Variants in LRRTM4 observed in about 807,000 individuals in gnomAD.
LRRTM4 encodes leucine rich repeat transmembrane neuronal 4.
In LRRTM4, 25 loss-of-function variants were observed where a neutral mutation model predicts 47.6. That is an observed-to-expected ratio of 0.53 (90% confidence interval 0.38 to 0.73). The LOEUF (loss-of-function observed/expected upper bound fraction) is 0.73. Ranked by LOEUF, LRRTM4 falls within the 30% of genes least tolerant of loss-of-function variation. LRRTM4 has a pLI of 0.00. For synonymous variants in LRRTM4, 311 were observed against 269.5 expected (o/e 1.15, Z -1.51); for missense variants, 638 against 713.4 (o/e 0.89, Z 1.20).
At chr2:77,456,992 A>T (rs1039202968) in intron 3 of LRRTM4, among the ~76,000 whole-genome samples, 2 of 123,474 alleles carry the variant, frequency 1.6e-5, no homozygotes, top group East Asian at 2.8e-4. Context: ...ATATTAGTGT[A>T]TGTGTGTGTG....
chr2:77,075,914 CAA>C (rs61718845), intron 3 of LRRTM4, among the ~76,000 whole-genome samples: 3,681 of 35,942 alleles, frequency 0.1, 17 homozygotes, highest in East Asian at 0.34. Context: ...GACTCCGTCT[CAA>C]AAAAAAAAAA....
At chr2:77,469,601 G>A (rs1271811816) in intron 3 of LRRTM4, among the ~76,000 whole-genome samples, 1 of 152,028 alleles carries the variant, frequency 6.6e-6, no homozygotes, top group Non-Finnish European at 1.5e-5. Context: ...CCCTAATTTT[G>A]ATGAATATAT....
chr2:76,776,469 A>G (rs1185954280), intron 3 of LRRTM4, among the ~76,000 whole-genome samples: 9 of 152,244 alleles, frequency 5.9e-5, no homozygotes, highest in Non-Finnish European at 1.2e-4. Context: ...GTGAGATGGT[A>G]TCTCATTGTG....
intron 3 of LRRTM4, among the ~76,000 whole-genome samples, chr2:77,448,815 T>A (rs1676148669): frequency 1.3e-5 from 2 of 152,176 alleles, no homozygotes; most frequent in Non-Finnish European, 2.9e-5. Context: ...CCTAACAAAG[T>A]TAAGAATGCA....
intron 3 of LRRTM4, among the ~76,000 whole-genome samples, chr2:77,178,453 G>A (rs1274053994): frequency 1.3e-5 from 2 of 152,092 alleles, no homozygotes; most frequent in Non-Finnish European, 2.9e-5. Context: ...AGGCGTGGTG[G>A]CGCGTGCCTG....
chr2:77,415,280 G>C (rs899701497), intron 3 of LRRTM4, among the ~76,000 whole-genome samples: 1 of 152,084 alleles, frequency 6.6e-6, no homozygotes, highest in Non-Finnish European at 1.5e-5. Flanking sequence ...ACTTCTCTTA[G>C]AGAAATACAT....
intron 3 of LRRTM4, among the ~76,000 whole-genome samples, chr2:76,809,171 C>T (rs1670652753): frequency 6.6e-6 from 1 of 152,156 alleles, no homozygotes; most frequent in Non-Finnish European, 1.5e-5. Flanking sequence ...ATGACACCAA[C>T]CAGTGATAAA....
At chr2:76,927,602 T>A (rs1354590894) in intron 3 of LRRTM4, among the ~76,000 whole-genome samples, 3 of 152,168 alleles carry the variant, frequency 2.0e-5, no homozygotes, top group Admixed American at 6.5e-5. Context: ...TCCAATCCAC[T>A]AATTTACTTG....
At chr2:77,052,715 C>T (rs1047263940) in intron 3 of LRRTM4, among the ~76,000 whole-genome samples, 11 of 148,166 alleles carry the variant, frequency 7.4e-5, no homozygotes, top group East Asian at 4.0e-4. Context: ...TGTTTGTGTG[C>T]GTAGGGGTGT....
intron 3 of LRRTM4, among the ~76,000 whole-genome samples, chr2:77,506,107 T>C (rs1486522849): frequency 6.6e-6 from 1 of 151,674 alleles, no homozygotes. Flanking sequence ...TTTGAAAATA[T>C]GGTTCTTACA....
At chr2:77,205,779 G>A (rs933884115) in intron 3 of LRRTM4, among the ~76,000 whole-genome samples, 1 of 152,126 alleles carries the variant, frequency 6.6e-6, no homozygotes, top group Non-Finnish European at 1.5e-5. Flanking sequence ...TATGATTGCT[G>A]AATGAGCACA....
Position 77,280,968 on chromosome 2 carries a change from C to T in LRRTM4, c.1551+237350G>A, listed in dbSNP as rs115091439. On this transcript the variant is annotated intron_variant, in intron 3 of 3. Coordinates refer to ENST00000409884, the MANE Select transcript of LRRTM4 (RefSeq NM_001134745.3). ...TCCCCTGTCTGTAGTGTCTCTAATA[C>T]CCCCTGATCTATTAAGCTACTAACC... Among the ~76,000 whole-genome samples the T allele has an allele frequency of 4.0e-3, 614 of 151,966 alleles. 2 individuals carry two copies. The highest frequency in any genetic ancestry group is 0.014 in the African/African-American group (567 of 41,504).
intron 3 of LRRTM4, among the ~76,000 whole-genome samples, chr2:76,847,417 T>C (rs1488029779): frequency 1.3e-5 from 2 of 152,128 alleles, no homozygotes; most frequent in Non-Finnish European, 2.9e-5. Context: ...AGTTTTTTCA[T>C]GAGCCAATGA....
chr2:76,824,267 G>A (rs755289900), intron 3 of LRRTM4, among the ~76,000 whole-genome samples: 18 of 151,516 alleles, frequency 1.2e-4, no homozygotes, highest in Non-Finnish European at 1.5e-4. Flanking sequence ...ATCTATAAAT[G>A]TGTGTGTGTT....
intron 3 of LRRTM4, among the ~76,000 whole-genome samples, chr2:77,060,313 G>T (rs1273318451): frequency 1.3e-5 from 2 of 151,962 alleles, no homozygotes; most frequent in Non-Finnish European, 2.9e-5. Flanking sequence ...TCAAATTTTT[G>T]TGCTAAACAT....
At chr2:76,834,413 G>C (rs1573186018) in intron 3 of LRRTM4, among the ~76,000 whole-genome samples, 2 of 151,908 alleles carry the variant, frequency 1.3e-5, no homozygotes, top group Admixed American at 1.3e-4. Context: ...CTAAAGAGGA[G>C]ATTTCAAGAT....
At chr2:76,912,987 T>G (rs945078158) in intron 3 of LRRTM4, among the ~76,000 whole-genome samples, 3 of 152,202 alleles carry the variant, frequency 2.0e-5, no homozygotes, top group Non-Finnish European at 4.4e-5. Flanking sequence ...TCCCAAGGAT[T>G]TCTTTATAGT....
At chr2:77,091,192 C>A (rs911738623) in intron 3 of LRRTM4, among the ~76,000 whole-genome samples, 15 of 151,574 alleles carry the variant, frequency 9.9e-5, no homozygotes, top group Non-Finnish European at 1.6e-4. Context: ...ACAGCTATAT[C>A]TCATTGCCGC....
At chr2:77,032,090 TGTATTC>T (rs1251274376) in intron 3 of LRRTM4, among the ~76,000 whole-genome samples, 1 of 152,186 alleles carries the variant, frequency 6.6e-6, no homozygotes, top group Non-Finnish European at 1.5e-5. Context: ...CCTAGAATTT[TGTATTC>T]TGCTCCTAAT....
Sources: allele counts gnomAD v4.1 joint callset (sites outside exome capture counted in the v4.1 genomes callset), GRCh38; gene constraint gnomAD v4.1.1; transcripts MANE v1.5; gene names NCBI Gene and HGNC (gene_info 2026-07-23, HGNC 2026-07-21).